Variants in TMEM39B observed in about 807,000 individuals in gnomAD.
TMEM39B encodes the protein transmembrane protein 39B.
In TMEM39B, 23 loss-of-function variants were observed where a neutral mutation model predicts 52.2. The observed-to-expected ratio is 0.44, with a 90% CI of 0.32 to 0.62. The LOEUF (loss-of-function observed/expected upper bound fraction) is 0.62, where lower values mean the gene tolerates loss of function less well. Ranked by LOEUF, TMEM39B falls within the 20% of genes least tolerant of loss-of-function variation. TMEM39B has a pLI of 0.06. For missense variants in TMEM39B, 547 were observed against 642.0 expected, an observed-to-expected ratio of 0.85 and a Z score of 1.60; for synonymous variants, 285 against 264.0, an observed-to-expected ratio of 1.08 and a Z score of -0.77.
chr1:32,088,309 C>T (rs1298720856), intron 5 of TMEM39B, among the ~76,000 whole-genome samples: 1 of 150,586 alleles, frequency 6.6e-6, no homozygotes, highest in African/African-American at 2.4e-5. Context: ...CCCAGCTACT[C>T]GGGAGGCTGA....
intron 4 of TMEM39B, 50 bp downstream of exon 4, chr1:32,076,896 C>T: frequency 6.3e-7 from 1 of 1,585,324 alleles, no homozygotes. Flanking sequence ...CCCCTTTTCC[C>T]CTGGGGATGC....
chr1:32,099,318 G>A (rs1419504349), intron 7 of TMEM39B, among the ~76,000 whole-genome samples: 2 of 151,916 alleles, frequency 1.3e-5, no homozygotes, highest in Non-Finnish European at 2.9e-5. Context: ...CAGGACCTGT[G>A]GTGGGGTGGG....
intron 1 of TMEM39B, chr1:32,073,514 C>T: frequency 9.1e-6 from 9 of 994,426 alleles, no homozygotes; most frequent in Non-Finnish European, 1.1e-5. Flanking sequence ...GGCTTGTGGG[C>T]GGGGTTTCTG....
At chr1:32,073,502 T>G in intron 1 of TMEM39B, 1 of 998,206 alleles carries the variant, frequency 1.0e-6, no homozygotes, top group East Asian at 1.0e-4. Context: ...AGGGCTTTTA[T>G]TGGCTTGTGG....
intron 3 of TMEM39B, chr1:32,076,472 G>C (rs1034439428): frequency 1.4e-5 from 7 of 510,536 alleles, no homozygotes; most frequent in Admixed American, 2.7e-5. Context: ...AGTGCTTCAA[G>C]GGGAGGAAAG....
intron 5 of TMEM39B, 104 bp downstream of exon 5, chr1:32,077,422 C>A: frequency 7.3e-7 from 1 of 1,365,494 alleles, no homozygotes; most frequent in Non-Finnish European, 1.0e-6. Context: ...AGATCGGAGG[C>A]AGGCAGCAAC....
chr1:32,097,720 CT>C (rs1640864914), intron 7 of TMEM39B, among the ~76,000 whole-genome samples: 1 of 150,462 alleles, frequency 6.6e-6, no homozygotes, highest in Non-Finnish European at 1.5e-5. Context: ...TCTCGGCTCA[CT>C]GCAAGCTCCG....
In TMEM39B at chr1:32,075,496, T is replaced by G. The variant is rs1639816251; in HGVS notation, c.132-107T>G. On this transcript the variant is annotated intron_variant, in intron 2 of 8. Transcript: ENST00000336294. Reference sequence around the variant, plus strand: ...AGCAGGATTAGGAAGACCCCGTCCTTGCTATGAGCTGCTTTTCTGATCTTA... The same window carrying G: ...AGCAGGATTAGGAAGACCCCGTCCTGGCTATGAGCTGCTTTTCTGATCTTA... 5.1e-6 allele frequency: 6 copies of G among 1,177,824 alleles called. No individual in the cohort carries two copies. In the Admixed American group the frequency reaches 1.5e-4, roughly 29 times the overall value. 73.0% of individuals were successfully genotyped at this position (1,177,824 alleles called of 1,614,324 possible).
intron 8 of TMEM39B, among the ~76,000 whole-genome samples, chr1:32,101,764 C>G (rs1050108131): frequency 1.3e-5 from 2 of 152,196 alleles, no homozygotes; most frequent in African/African-American, 4.8e-5. Flanking sequence ...CTGTAAGCAG[C>G]TCTTGAGATT....
At chr1:32,072,825 G>A (rs368104493), upstream of TMEM39B, 1 of 555,244 alleles carries the variant, frequency 1.8e-6, no homozygotes, top group Non-Finnish European at 3.1e-6. Context: ...GGGGGACCGA[G>A]AGACAAAGAG....
At chr1:32,074,552 AC>A (rs1188635338) in intron 1 of TMEM39B, among the ~76,000 whole-genome samples, 1 of 152,336 alleles carries the variant, frequency 6.6e-6, no homozygotes, top group East Asian at 1.9e-4. Flanking sequence ...AAGCATATTA[AC>A]AAATGAGTAA....
intron 6 of TMEM39B, among the ~76,000 whole-genome samples, chr1:32,092,807 G>C (rs1640660298): frequency 6.6e-6 from 1 of 152,148 alleles, no homozygotes; most frequent in South Asian, 2.1e-4. Context: ...CCATTTTAGA[G>C]TGCAGAGAAC....
At position 32,092,418 on chromosome 1, in the gene TMEM39B, A is replaced by G. The variant is rs58558748; in HGVS notation, c.927+407A>G. ...AATGGTCCTCCTGCCTCAGCTTCCC[A>G]AAGTGTTGGGATTACAAGCGTGAGC... is the stretch of plus-strand genomic sequence containing the variant. On this transcript the variant is annotated intron_variant, in intron 6 of 8. Transcript: ENST00000336294. 5.1e-4 allele frequency among the ~76,000 whole-genome samples: 78 copies of G among 152,260 alleles called. 1 individual carries two copies. The East Asian group carries it at 0.013, about 26-fold the overall frequency.
Position 32,075,663 on chromosome 1 carries a change from A to G in TMEM39B, c.192A>G (p.Leu64=). The G allele has an allele frequency of 6.4e-7, 1 of 1,551,658 alleles. No homozygotes were observed. The highest frequency in any genetic ancestry group is 8.7e-7 in the Non-Finnish European group (1 of 1,146,998). The change falls in exon 3 of 9, where the codon CTA becomes CTG. Residue 64 remains leucine (L), a synonymous_variant. Coordinates refer to ENST00000336294, the MANE Select transcript of TMEM39B (RefSeq NM_018056.4). ...TGGCCACCCAAACTGTTGTGCCTCT[A>G]CAGCACTGCAAGATCCCCGAGCTGC... is the stretch of plus-strand genomic sequence containing the variant. ...PPLATQTVVP[L]QHCKIPELPV... is the part of the protein sequence containing the mutation.
rs1639819579 is a variant in TMEM39B, at chr1:32,075,583, TG to T, written c.132-19del. The T allele has an allele frequency of 6.5e-7, 1 of 1,540,052 alleles. No homozygotes were observed. The highest frequency in any genetic ancestry group is 1.4e-5 in the African/African-American group (1 of 72,816). On this transcript the variant is annotated intron_variant, in intron 2 of 8. Coordinates refer to ENST00000336294, the MANE Select transcript of TMEM39B (RefSeq NM_018056.4). Reference sequence around the variant, plus strand: ...GGATTCTCAGGTCAGCTGCTGATGTTGTTCCCTCCCCACTGTCAGGAGCAGT... The same window carrying T: ...GGATTCTCAGGTCAGCTGCTGATGTTTTCCCTCCCCACTGTCAGGAGCAGT...
chr1:32,073,164 G>T, intron 1 of TMEM39B, 113 bp downstream of exon 1: 3 of 1,321,678 alleles, frequency 2.3e-6, no homozygotes, highest in Non-Finnish European at 3.0e-6. Context: ...GGAGGGGGAG[G>T]GGATGCGAGC....
intron 1 of TMEM39B, among the ~76,000 whole-genome samples, chr1:32,074,668 T>C (rs1257153438): frequency 6.6e-6 from 1 of 152,182 alleles, no homozygotes; most frequent in African/African-American, 2.4e-5. Flanking sequence ...CGGGAAAGGC[T>C]TTCCAGATAG....
chr1:32,084,926 T>G (rs547370280), intron 5 of TMEM39B, among the ~76,000 whole-genome samples: 2 of 152,308 alleles, frequency 1.3e-5, no homozygotes, highest in East Asian at 3.9e-4. Context: ...ATTATTCCAT[T>G]GTCTCTAGTA....
intron 3 of TMEM39B, chr1:32,076,403 G>A (rs1398541834): frequency 3.2e-5 from 12 of 369,402 alleles, no homozygotes; most frequent in East Asian, 2.0e-4. Context: ...GAGCCACCGC[G>A]CCCGGCCAGG....
Sources: allele counts gnomAD v4.1 joint callset (sites outside exome capture counted in the v4.1 genomes callset), GRCh38; gene constraint gnomAD v4.1.1; transcripts MANE v1.5; gene names NCBI Gene and HGNC (gene_info 2026-07-23, HGNC 2026-07-21).